IQCM: variants seen among roughly 807,000 people sequenced by gnomAD.
IQCM encodes the protein IQ domain-containing protein M.
IQCM carries 45 observed loss-of-function variants against 57.6 expected under a neutral mutation model. The ratio of observed to expected loss-of-function variants is 0.78; its 90% CI spans 0.62 to 1.00. The LOEUF (loss-of-function observed/expected upper bound fraction) is 1.00, where lower values mean the gene tolerates loss of function less well. Among genes scored for constraint, IQCM ranks in the 50% least tolerant of loss-of-function variants. The probability of loss-of-function intolerance (pLI) is 0.00; values close to 1 mark genes in which losing one functional copy is unlikely to be tolerated. For missense variants in IQCM, 468 were observed against 511.6 expected (o/e 0.91, Z 0.82); for synonymous variants, 148 against 158.9 (o/e 0.93, Z 0.51).
intron 7 of IQCM, among the ~76,000 whole-genome samples, chr4:149,627,630 T>A (rs956584817): frequency 3.9e-5 from 6 of 152,162 alleles, no homozygotes; most frequent in East Asian, 3.9e-4. Flanking sequence ...TGAACCCAGG[T>A]CTATCTTGAA....
chr4:149,810,362 CAA>C (rs748565416), intron 2 of IQCM, among the ~76,000 whole-genome samples: 20,986 of 86,082 alleles, frequency 0.24, 3,453 homozygotes, highest in African/African-American at 0.49. Context: ...ACACCATCTC[CAA>C]AAAAAAAAAA....
At chr4:149,627,827 A>T (rs1756942402) in intron 7 of IQCM, among the ~76,000 whole-genome samples, 1 of 152,206 alleles carries the variant, frequency 6.6e-6, no homozygotes, top group South Asian at 2.1e-4. Context: ...CCTGGTGGGC[A>T]CCACATGTAA....
chr4:149,703,039 C>T (rs908176461), intron 5 of IQCM, among the ~76,000 whole-genome samples: 6 of 151,902 alleles, frequency 3.9e-5, no homozygotes, highest in Admixed American at 2.0e-4. Flanking sequence ...CTGATCAAGA[C>T]GGTATACTAA....
intron 12 of IQCM, among the ~76,000 whole-genome samples, chr4:149,541,110 A>G (rs1747806316): frequency 6.6e-6 from 1 of 152,136 alleles, no homozygotes; most frequent in Non-Finnish European, 1.5e-5. Flanking sequence ...GAAAATCACT[A>G]TATGTTTCCC....
At chr4:149,682,812 AATGAAGAAACTAAGAC>A (rs1762277720) in intron 6 of IQCM, among the ~76,000 whole-genome samples, 1 of 151,048 alleles carries the variant, frequency 6.6e-6, no homozygotes. Context: ...TCATTGTATA[AATGAAGAAACTAAGAC>A]ATTTAGGGGT....
chr4:149,396,072 C>A (rs1578914350), intron 13 of IQCM, among the ~76,000 whole-genome samples: 1 of 151,786 alleles, frequency 6.6e-6, no homozygotes, highest in East Asian at 1.9e-4. Context: ...GTCAACATGT[C>A]AATCATGTCT....
At chr4:149,575,343 C>T (rs1423944273) in intron 9 of IQCM, among the ~76,000 whole-genome samples, 2 of 151,750 alleles carry the variant, frequency 1.3e-5, no homozygotes, top group Non-Finnish European at 2.9e-5. Flanking sequence ...CATCTTTTGT[C>T]TCATTATTAT....
intron 3 of IQCM, chr4:149,737,594 G>A (rs1052690335): frequency 2.0e-5 from 3 of 152,096 alleles, no homozygotes; most frequent in African/African-American, 7.2e-5. Context: ...TAGACTCACA[G>A]GCCACAGGTA....
chr4:149,742,574 G>A (rs1160351065), intron 3 of IQCM, 81 bp downstream of exon 3: 1 of 736,272 alleles, frequency 1.4e-6, no homozygotes, highest in Admixed American at 4.3e-5. Flanking sequence ...TGCTCTGAGG[G>A]TCACTAATTA....
At chr4:149,788,955 G>A (rs1772324902) in intron 2 of IQCM, among the ~76,000 whole-genome samples, 1 of 152,172 alleles carries the variant, frequency 6.6e-6, no homozygotes, top group African/African-American at 2.4e-5. Context: ...AAGTCTCATG[G>A]AGGTAGAGAG....
At chr4:149,814,219 A>G (rs1469669665) in intron 2 of IQCM, among the ~76,000 whole-genome samples, 1 of 152,016 alleles carries the variant, frequency 6.6e-6, no homozygotes, top group Admixed American at 6.6e-5. Flanking sequence ...AAACTGCAAG[A>G]CCTTCCAAGA....
At chr4:149,689,643 C>A (rs1273866904) in intron 5 of IQCM, among the ~76,000 whole-genome samples, 2 of 152,014 alleles carry the variant, frequency 1.3e-5, no homozygotes, top group Non-Finnish European at 2.9e-5. Flanking sequence ...AAACAGACAA[C>A]CCACAGAGTG....
intron 10 of IQCM, among the ~76,000 whole-genome samples, chr4:149,554,230 A>C (rs1749318994): frequency 6.6e-6 from 1 of 152,230 alleles, no homozygotes; most frequent in South Asian, 2.1e-4. Flanking sequence ...TCTTTAAATA[A>C]CTTTCCCAAG....
intron 12 of IQCM, among the ~76,000 whole-genome samples, chr4:149,544,016 G>T (rs906242205): frequency 6.6e-6 from 1 of 152,032 alleles, no homozygotes; most frequent in African/African-American, 2.4e-5. Context: ...AAGAATGAAA[G>T]AAGAGAACTC....
chr4:149,450,112 G>T (rs1467772167), intron 12 of IQCM, among the ~76,000 whole-genome samples: 1 of 151,756 alleles, frequency 6.6e-6, no homozygotes, highest in Non-Finnish European at 1.5e-5. Flanking sequence ...CTGGGGAAAA[G>T]ACAATTTCTT....
chr4:149,515,357 C>A (rs1226628153), intron 12 of IQCM, among the ~76,000 whole-genome samples: 3 of 152,130 alleles, frequency 2.0e-5, no homozygotes, highest in Admixed American at 6.5e-5. Flanking sequence ...AGCATTCCAT[C>A]ATCAAATGGA....
chr4:149,742,864 A>G (rs1195101219), intron 2 of IQCM, 125 bp from the exon 3 acceptor site: 5 of 404,474 alleles, frequency 1.2e-5, no homozygotes, highest in African/African-American at 6.2e-5. Flanking sequence ...TCTGTGCTCT[A>G]TAACCTTCAA....
At chr4:149,674,415 A>G (rs1761574035) in intron 7 of IQCM, among the ~76,000 whole-genome samples, 1 of 152,154 alleles carries the variant, frequency 6.6e-6, no homozygotes, top group Non-Finnish European at 1.5e-5. Flanking sequence ...TATGGAGATT[A>G]TATTCTAGCA....
At chr4:149,551,070 GTAAAA>G (rs1408715231) in intron 11 of IQCM, among the ~76,000 whole-genome samples, 1 of 152,074 alleles carries the variant, frequency 6.6e-6, no homozygotes, top group East Asian at 1.9e-4. Context: ...TTCTCTCAAG[GTAAAA>G]TGCAATCGTC....
Sources: gnomAD v4.1 joint callset for allele counts (sites outside exome capture counted in the v4.1 genomes callset) on GRCh38, gnomAD v4.1.1 for gene constraint, MANE v1.5 for transcripts, NCBI Gene and HGNC (gene_info 2026-07-23, HGNC 2026-07-21) for gene names.